The following SLAIN2 variants were observed in gnomAD, a reference collection of about 807,000 sequenced individuals.
SLAIN2 encodes SLAIN family member 2, also known as SLAIN motif-containing protein 2.
A neutral mutation model predicts 56.6 loss-of-function variants in SLAIN2; 31 were observed. The ratio of observed to expected loss-of-function variants is 0.55; its 90% CI spans 0.41 to 0.74. The LOEUF (loss-of-function observed/expected upper bound fraction) is 0.74. Among genes scored for constraint, SLAIN2 ranks in the 30% least tolerant of loss-of-function variants. The probability of loss-of-function intolerance (pLI) is 0.00; values close to 1 mark genes in which losing one functional copy is unlikely to be tolerated. For synonymous variants in SLAIN2, 317 were observed against 284.9 expected (o/e 1.11, Z -1.13); for missense variants, 777 against 754.2 (o/e 1.03, Z -0.35).
intron 2 of SLAIN2, among the ~76,000 whole-genome samples, chr4:48,371,722 A>T (rs1560455299): frequency 6.6e-6 from 1 of 152,112 alleles, no homozygotes; most frequent in Non-Finnish European, 1.5e-5. Flanking sequence ...TGGGAGGATC[A>T]CTTGAGTCCA....
Position 48,369,858 on chromosome 4 carries a change from A to G in SLAIN2, c.399A>G (p.Ser133=), listed in dbSNP as rs759466823. ...TGTTGTCTTCTTCTAGGCTGTATTC[A>G]TCACCAAAGAAAAAACTTACACCAA... ...WEEEEESWLY[S]SPKKKLTPMQ... is the part of the protein sequence containing the mutation. The change falls in exon 2 of 8, where the codon TCA becomes TCG. Residue 133 remains serine (S), a synonymous_variant. Transcript: ENST00000264313. The G allele has an allele frequency of 3.7e-6, 6 of 1,613,122 alleles. No individual in the cohort carries two copies. Among genetic ancestry groups the G allele is most frequent in the Admixed American group, 3.3e-5 (2 of 59,930 alleles).
chr4:48,382,509 TTAAAATTA>T, intron 4 of SLAIN2, 51 bp from the exon 5 acceptor site: 1 of 1,380,152 alleles, frequency 7.2e-7, no homozygotes, highest in Non-Finnish European at 9.5e-7. Context: ...ACTTTAAATT[TTAAAATTA>T]TTTAAATGTT....
chr4:48,412,371 C>CACAA (rs1716880630), intron 6 of SLAIN2, among the ~76,000 whole-genome samples: 1 of 59,422 alleles, frequency 1.7e-5, no homozygotes, highest in Admixed American at 1.9e-4. Context: ...TATGTACACA[C>CACAA]ACACACACAC....
chr4:48,346,181 T>C (rs1012648048), intron 1 of SLAIN2, among the ~76,000 whole-genome samples: 3 of 152,242 alleles, frequency 2.0e-5, no homozygotes. Context: ...AACTTTTTTT[T>C]CATCCAATTT....
chr4:48,416,561 C>T (rs1717000834), intron 6 of SLAIN2, among the ~76,000 whole-genome samples: 1 of 149,968 alleles, frequency 6.7e-6, no homozygotes, highest in African/African-American at 2.5e-5. Flanking sequence ...TTTCCTTCTC[C>T]TGCCTGATTG....
chr4:48,385,631 T>C (rs1362753686), intron 6 of SLAIN2, among the ~76,000 whole-genome samples: 3 of 123,416 alleles, frequency 2.4e-5, no homozygotes, highest in East Asian at 5.4e-4. Flanking sequence ...TTTTCATCTT[T>C]TTTTTTCTTT....
chr4:48,416,810 A>G (rs1233876786), intron 6 of SLAIN2, among the ~76,000 whole-genome samples: 2 of 90,162 alleles, frequency 2.2e-5, no homozygotes, highest in Non-Finnish European at 4.7e-5. Flanking sequence ...ACCAACGAGA[A>G]CAAAGACACC....
chr4:48,383,608 A>G, intron 5 of SLAIN2, 39 bp from the exon 6 acceptor site: 1 of 1,461,290 alleles, frequency 6.8e-7, no homozygotes, highest in Non-Finnish European at 9.1e-7. Flanking sequence ...TCTCCATCTG[A>G]AAGAATATGA....
intron 6 of SLAIN2, among the ~76,000 whole-genome samples, chr4:48,395,973 A>C (rs1338511070): frequency 6.6e-6 from 1 of 151,962 alleles, no homozygotes; most frequent in Non-Finnish European, 1.5e-5. Flanking sequence ...AGTTTATATA[A>C]ATTTTGTTGT....
intron 2 of SLAIN2, among the ~76,000 whole-genome samples, chr4:48,375,152 A>G (rs1715773290): frequency 6.6e-6 from 1 of 152,198 alleles, no homozygotes; most frequent in Non-Finnish European, 1.5e-5. Flanking sequence ...TTGGAATGCT[A>G]GTGATTAATA....
At chr4:48,382,247 T>G (rs1715989320) in intron 4 of SLAIN2, among the ~76,000 whole-genome samples, 1 of 152,182 alleles carries the variant, frequency 6.6e-6, no homozygotes, top group African/African-American at 2.4e-5. Flanking sequence ...TAGTCTCAAA[T>G]TTGGATTACT....
intron 6 of SLAIN2, among the ~76,000 whole-genome samples, chr4:48,413,999 T>A (rs1455638097): frequency 1.3e-5 from 2 of 152,168 alleles, no homozygotes; most frequent in Non-Finnish European, 1.5e-5. Flanking sequence ...TTAGCACAAT[T>A]ATTAAATACT....
In SLAIN2 at chr4:48,425,356, G is replaced by GA. The variant is rs1321945635; in HGVS notation, c.*3286dup. ...CATAACTATGTATGGTATCTAGTTA[G>GA]AAAAAAACAAGCAAAAAGCTATTAT... On this transcript the variant is annotated 3_prime_UTR_variant, in exon 8 of 8. Coordinates refer to ENST00000264313, the MANE Select transcript of SLAIN2 (RefSeq NM_020846.2). 5 of 151,974 alleles carry GA rather than the reference G, an allele frequency of 3.3e-5. No homozygotes were observed. Among genetic ancestry groups the GA allele is most frequent in the East Asian group, 1.9e-4 (1 of 5,164 alleles). The allele number at this position is 151,974 out of a possible 1,614,324, so 9.4% of individuals were successfully genotyped here.
intron 6 of SLAIN2, among the ~76,000 whole-genome samples, chr4:48,390,501 T>C (rs1037778741): frequency 5.3e-5 from 8 of 152,186 alleles, no homozygotes; most frequent in Non-Finnish European, 7.3e-5. Flanking sequence ...CATCCTCTTA[T>C]ATATGAAAAA....
chr4:48,369,711 A>G, intron 1 of SLAIN2, 138 bp from the exon 2 acceptor site: 1 of 696,536 alleles, frequency 1.4e-6, no homozygotes, highest in East Asian at 2.8e-5. Flanking sequence ...CTGTGCAGTA[A>G]GTAAATGTGG....
intron 6 of SLAIN2, among the ~76,000 whole-genome samples, chr4:48,412,176 T>G (rs969582102): frequency 5.9e-5 from 9 of 152,216 alleles, no homozygotes; most frequent in African/African-American, 2.2e-4. Flanking sequence ...TATATAGGTA[T>G]AGATGTACAG....
At chr4:48,363,725 G>T (rs1231654438) in intron 1 of SLAIN2, among the ~76,000 whole-genome samples, 8 of 112,536 alleles carry the variant, frequency 7.1e-5, no homozygotes, top group African/African-American at 2.1e-4. Context: ...TCCCAGACGG[G>T]GCGGCTGGCC....
At chr4:48,348,228 G>GCA (rs1714921867) in intron 1 of SLAIN2, among the ~76,000 whole-genome samples, 1 of 152,038 alleles carries the variant, frequency 6.6e-6, no homozygotes, top group Admixed American at 6.6e-5. Context: ...TAATAGAGCT[G>GCA]TTTTTGGATG....
At chr4:48,399,715 G>A (rs1421246914) in intron 6 of SLAIN2, among the ~76,000 whole-genome samples, 1 of 152,150 alleles carries the variant, frequency 6.6e-6, no homozygotes, top group East Asian at 1.9e-4. Context: ...AACGTGAGGG[G>A]ATGTTGAATT....
Sources: allele counts gnomAD v4.1 joint callset (sites outside exome capture counted in the v4.1 genomes callset), GRCh38; gene constraint gnomAD v4.1.1; transcripts MANE v1.5; gene names NCBI Gene and HGNC (gene_info 2026-07-23, HGNC 2026-07-21).